The following RTCB variants were observed in gnomAD, a reference collection of about 807,000 sequenced individuals.
The protein encoded by RTCB is RNA 2',3'-cyclic phosphate and 5'-OH ligase, also known as RNA-splicing ligase RTCB.
RTCB carries 32 observed loss-of-function variants against 58.2 expected under a neutral mutation model. The observed-to-expected ratio is 0.55, with a 90% confidence interval of 0.41 to 0.74. The LOEUF (loss-of-function observed/expected upper bound fraction) is 0.74, where lower values mean the gene tolerates loss of function less well. Among genes scored for constraint, RTCB ranks in the 30% least tolerant of loss-of-function variants. The probability of loss-of-function intolerance (pLI) is 0.00; values close to 1 mark genes in which losing one functional copy is unlikely to be tolerated. For missense variants in RTCB, 523 were observed against 639.0 expected (o/e 0.82, Z 1.96); for synonymous variants, 247 against 218.6 (o/e 1.13, Z -1.15).
Position 32,395,011 on chromosome 22 carries a change from C to T in RTCB, c.1179+15G>A, listed in dbSNP as rs377059010. 156 of 1,598,414 alleles carry T rather than the reference C, an allele frequency of 9.8e-5. No individual in the cohort carries two copies. The highest frequency in any genetic ancestry group is 1.3e-4 in the Non-Finnish European group (147 of 1,168,824). ...TGCCCCCACTGCTTAAAACTACAAACGTAGAGCTACGTACTTGGTAATCAA... is the reference window on the plus strand; with the variant it reads ...TGCCCCCACTGCTTAAAACTACAAATGTAGAGCTACGTACTTGGTAATCAA... On this transcript the variant is annotated intron_variant, in intron 9 of 11. Coordinates refer to ENST00000216038, the MANE Select transcript of RTCB (RefSeq NM_014306.5).
chr22:32,390,488 G>A (rs548370238), intron 11 of RTCB, among the ~76,000 whole-genome samples: 107 of 147,856 alleles, frequency 7.2e-4, no homozygotes, highest in African/African-American at 2.0e-3. Context: ...TTGCTCTGTC[G>A]CCCAGGCTGG....
In RTCB at chr22:32,411,635, G is replaced by A. The variant is rs568776648; in HGVS notation, c.93+429C>T. Among the ~76,000 whole-genome samples the A allele has an allele frequency of 4.1e-4, 63 of 152,330 alleles. No homozygotes were observed. The South Asian group carries it at 6.0e-3, about 15-fold the overall frequency. ...AACCTGGTTTAGTGAACAAAGGTTT[G>A]TAAACGTTATTTAAATAACCAGCAT... On this transcript the variant is annotated intron_variant, in intron 1 of 11. Coordinates refer to ENST00000216038, the MANE Select transcript of RTCB (RefSeq NM_014306.5).
At position 32,392,329 on chromosome 22, in the gene RTCB, G is replaced by C; in HGVS notation, c.1321C>G (p.Arg441Gly). The change falls in exon 11 of 12, where the codon CGT (arginine) becomes GGT (glycine). Residue 441 changes from arginine to glycine, a missense_variant. Physicochemically the swap from Arg to Gly is moderately radical, Grantham distance 125 (BLOSUM62 -2). Transcript: ENST00000216038. Reference protein sequence around the residue: ...GRALSRAKSRRNLDFQDVLDK... With the variant: ...GRALSRAKSRGNLDFQDVLDK... ...AAGACATCCTGGAAATCTAAATTAC[G>C]TCGAGATTTTGCTCGGGACAATGCA... 6.2e-7 allele frequency: 1 copy of C among 1,613,932 alleles called. No individual in the cohort carries two copies. Among genetic ancestry groups the C allele is most frequent in the East Asian group, 2.2e-5 (1 of 44,880 alleles).
chr22:32,411,951 T>C (rs1933533124), intron 1 of RTCB, 113 bp downstream of exon 1: 2 of 750,826 alleles, frequency 2.7e-6, no homozygotes, highest in African/African-American at 1.8e-5. Context: ...AGGGAAACTC[T>C]GCAAGGGGCC....
intron 4 of RTCB, among the ~76,000 whole-genome samples, chr22:32,403,563 C>G (rs908174684): frequency 1.4e-4 from 21 of 152,064 alleles, no homozygotes; most frequent in Admixed American, 1.1e-3. Flanking sequence ...GATTTATTTT[C>G]TTAGAAAATG....
rs777398875 is a variant in RTCB, at chr22:32,397,949, A to C, written c.806T>G (p.Val269Gly). 1 of 1,611,318 alleles carries C rather than the reference A, an allele frequency of 6.2e-7. No individual in the cohort carries two copies. The highest frequency in any genetic ancestry group is 8.5e-7 in the Non-Finnish European group (1 of 1,179,346). ...HSGSRGLGHQ[V>G]ATDALVAMEK... ...CAAAGTCTAGAATATACCTGTGGCT[A>C]CTTGGTGGCCCAAGCCTCTGCTTCC... The change falls in exon 7 of 12, where the codon GTA becomes GGA. Residue 269 changes from valine (V) to glycine (G), a missense_variant. By Grantham distance (109) the Val-to-Gly change is moderately radical (BLOSUM62 -3). This residue lies in a region of RTCB where 141 missense variants were observed against 216.7 expected (regional missense o/e 0.65). Transcript: ENST00000216038.
Position 32,395,364 on chromosome 22 carries a change from A to G in RTCB, c.991-150T>C, listed in dbSNP as rs1243225584. The G allele has an allele frequency of 4.7e-6, 3 of 639,110 alleles. No individual in the cohort carries two copies. In the East Asian group the frequency reaches 8.3e-5, roughly 18 times the overall value. 39.6% of individuals were successfully genotyped at this position (639,110 alleles called of 1,614,324 possible). A position where few individuals can be genotyped will look rare whatever the true frequency, so the allele number is the denominator to read the frequency against. On this transcript the variant is annotated intron_variant, in intron 8 of 11. Transcript: ENST00000216038. ...AGTAGCCGTAAGATTATCTTCACGT[A>G]AAGGACAAAAGCTGTCCTTTAGACC...
intron 1 of RTCB, among the ~76,000 whole-genome samples, chr22:32,410,017 C>T (rs1933493419): frequency 3.3e-5 from 5 of 152,204 alleles, no homozygotes; most frequent in Admixed American, 2.6e-4. Flanking sequence ...CGAAGTTTCA[C>T]GTGTTAGCCA....
chr22:32,408,739 A>G lies in RTCB; in HGVS notation c.172+16T>C. ...GCACTACCGTACTAACACAAGTGAAACTCTAATGTACTTACCACCACCTCG... is the reference window on the plus strand; with the variant it reads ...GCACTACCGTACTAACACAAGTGAAGCTCTAATGTACTTACCACCACCTCG... On this transcript the variant is annotated intron_variant, in intron 2 of 11. Coordinates refer to ENST00000216038, the MANE Select transcript of RTCB (RefSeq NM_014306.5). The G allele has an allele frequency of 6.3e-7, 1 of 1,592,166 alleles. No homozygotes were observed. The highest frequency in any genetic ancestry group is 8.6e-7 in the Non-Finnish European group (1 of 1,160,004).
At position 32,399,669 on chromosome 22, in the gene RTCB, G is replaced by A. The variant is rs142065760; in HGVS notation, c.588C>T (p.Tyr196=). 107 of 1,613,772 alleles carry A rather than the reference G, an allele frequency of 6.6e-5. No individual in the cohort carries two copies. In the African/African-American group the frequency reaches 7.1e-4, roughly 11 times the overall value. Residue 196 remains tyrosine, a synonymous_variant, in exon 6 of 12, where the codon TAC becomes TAT. Coordinates refer to ENST00000216038, the MANE Select transcript of RTCB (RefSeq NM_014306.5). ...TGGGGTCAGCCTGCAGCATCCTTCC[G>A]TACTCCTCGCAGTGCTCCTTGTCTT... ...WAEDKEHCEE[Y]GRMLQADPNK...
Position 32,387,819 on chromosome 22 carries a change from C to T in RTCB, c.*173G>A. On this transcript the variant is annotated 3_prime_UTR_variant, in exon 12 of 12. Coordinates refer to ENST00000216038, the MANE Select transcript of RTCB (RefSeq NM_014306.5). ...TGCCTCTTCCTGGAAGGTTATTTTA[C>T]AAGCACGGGCCCCTGAAAGCAGCAG... is the stretch of plus-strand genomic sequence containing the variant. 1 of 547,094 alleles carries T rather than the reference C, an allele frequency of 1.8e-6. No individual in the cohort carries two copies. Among genetic ancestry groups the T allele is most frequent in the Non-Finnish European group, 3.3e-6 (1 of 304,476 alleles). 33.9% of individuals were successfully genotyped at this position (547,094 alleles called of 1,614,324 possible).
At chr22:32,397,909 A>C in intron 7 of RTCB, 32 bp downstream of exon 7, 1 of 1,574,354 alleles carries the variant, frequency 6.4e-7, no homozygotes. Context: ...TGCCCATAAA[A>C]TGTACATTTT....
chr22:32,390,791 CA>C (rs1601423356), intron 11 of RTCB, among the ~76,000 whole-genome samples: 2 of 152,124 alleles, frequency 1.3e-5, no homozygotes, highest in African/African-American at 4.8e-5. Flanking sequence ...TTCTTAAGAT[CA>C]GGGGAAAAAT....
chr22:32,402,639 CG>C (rs1933357389), intron 4 of RTCB, among the ~76,000 whole-genome samples: 1 of 132,584 alleles, frequency 7.5e-6, no homozygotes, highest in Non-Finnish European at 1.6e-5. Flanking sequence ...TTAGTAGAGA[CG>C]GGGTTTCACC....
intron 11 of RTCB, among the ~76,000 whole-genome samples, chr22:32,390,047 C>G (rs1242487649): frequency 6.6e-6 from 1 of 152,168 alleles, no homozygotes; most frequent in Non-Finnish European, 1.5e-5. Context: ...CCTGTTTCCT[C>G]TCTCTCTTCA....
rs762961394 is a variant in RTCB, at chr22:32,406,729, T to C, written c.273A>G (p.Gly91=). The C allele has an allele frequency of 7.4e-6, 12 of 1,612,510 alleles. No homozygotes were observed. Among genetic ancestry groups the C allele is most frequent in the Middle Eastern group, 1.6e-4 (1 of 6,074 alleles). The change falls in exon 4 of 12, where the codon GGA becomes GGG. Residue 91 remains glycine (G), a synonymous_variant. Transcript: ENST00000216038. The part of the protein sequence containing the change: ...RSIGLPDVHS[G]YGFAIGNMAA... ...CCATGTTCCCAATAGCAAACCCATA[T>C]CCTGAATGGACATCAGGAAGCCCAA...
intron 6 of RTCB, 31 bp downstream of exon 6, chr22:32,399,572 A>T (rs749855774): frequency 1.9e-6 from 3 of 1,548,646 alleles, no homozygotes; most frequent in South Asian, 1.2e-5. Flanking sequence ...TGAAAAAAAA[A>T]TTAACATGTT....
At chr22:32,403,911 C>T (rs1268250812) in intron 4 of RTCB, among the ~76,000 whole-genome samples, 2 of 152,212 alleles carry the variant, frequency 1.3e-5, no homozygotes, top group Non-Finnish European at 2.9e-5. Context: ...TTAGATTGCA[C>T]ATATGGGCAA....
intron 1 of RTCB, among the ~76,000 whole-genome samples, chr22:32,411,540 C>G (rs1265737637): frequency 6.6e-6 from 1 of 152,172 alleles, no homozygotes; most frequent in Non-Finnish European, 1.5e-5. Flanking sequence ...ATCAAACAGG[C>G]CCTGCCCTGC....
Sources: gnomAD v4.1 joint callset for allele counts (sites outside exome capture counted in the v4.1 genomes callset) on GRCh38, gnomAD v4.1.1 for gene constraint, gnomAD v4.1.1 regional missense constraint, MANE v1.5 for transcripts, NCBI Gene and HGNC (gene_info 2026-07-23, HGNC 2026-07-21) for gene names.